Variants in TYW1 observed in about 807,000 individuals in gnomAD.
TYW1 encodes S-adenosyl-L-methionine-dependent tRNA 4-demethylwyosine synthase TYW1.
A neutral mutation model predicts 96.2 loss-of-function variants in TYW1; 46 were observed. The ratio of observed to expected loss-of-function variants is 0.48; its 90% confidence interval spans 0.38 to 0.61. The LOEUF is 0.61. Ranked by LOEUF, TYW1 falls within the 20% of genes least tolerant of loss-of-function variation. The probability of loss-of-function intolerance (pLI) is 0.00; values close to 1 mark genes in which losing one functional copy is unlikely to be tolerated. For synonymous variants in TYW1, 274 were observed against 323.0 expected, an observed-to-expected ratio of 0.85 and a Z score of 1.63; for missense variants, 684 against 909.6, an observed-to-expected ratio of 0.75 and a Z score of 3.19.
At chr7:67,132,036 T>G (rs1798091733) in intron 13 of TYW1, among the ~76,000 whole-genome samples, 1 of 152,118 alleles carries the variant, frequency 6.6e-6, no homozygotes, top group Non-Finnish European at 1.5e-5. Flanking sequence ...GACTCAAATG[T>G]TAATCTCCTT....
intron 13 of TYW1, among the ~76,000 whole-genome samples, chr7:67,142,801 A>G (rs1392824636): frequency 6.6e-6 from 1 of 152,244 alleles, no homozygotes; most frequent in South Asian, 2.1e-4. Context: ...CTGTAATCCC[A>G]ACATTTTTGG....
At chr7:67,094,050 C>T (rs1202224303) in intron 11 of TYW1, among the ~76,000 whole-genome samples, 1 of 152,112 alleles carries the variant, frequency 6.6e-6, no homozygotes, top group Admixed American at 6.5e-5. Context: ...TCTTTAGGTC[C>T]GTGTGTACCC....
chr7:67,129,054 T>C (rs1033484417), intron 13 of TYW1, among the ~76,000 whole-genome samples: 1 of 152,166 alleles, frequency 6.6e-6, no homozygotes, highest in African/African-American at 2.4e-5. Flanking sequence ...TTCTCAGTTT[T>C]TTCTTCCCCC....
intron 2 of TYW1, 119 bp downstream of exon 2, chr7:66,998,314 A>C: frequency 7.7e-7 from 1 of 1,302,142 alleles, no homozygotes; most frequent in East Asian, 2.7e-5. Context: ...TTTTAATGAA[A>C]TGCCTAAAAT....
At chr7:67,180,504 A>G (rs1416456925) in intron 13 of TYW1, among the ~76,000 whole-genome samples, 1 of 148,922 alleles carries the variant, frequency 6.7e-6, no homozygotes, top group Non-Finnish European at 1.5e-5. Flanking sequence ...TATTATTTAC[A>G]ATTAATTATT....
intron 13 of TYW1, among the ~76,000 whole-genome samples, chr7:67,176,713 T>G (rs1799680758): frequency 6.6e-6 from 1 of 152,206 alleles, no homozygotes; most frequent in Non-Finnish European, 1.5e-5. Context: ...TGTACATGGA[T>G]ATGCAAAGGG....
rs1584520450 is a variant in TYW1 at position 67,067,553 on chromosome 7, G to A, written c.1274+150G>A. 5.4e-6 allele frequency: 5 copies of A among 926,168 alleles called. No individual in the cohort carries two copies. The South Asian group carries it at 8.7e-5, about 16-fold the overall frequency. The allele number at this position is 926,168 out of a possible 1,614,324, so 57.4% of individuals were successfully genotyped here. On this transcript the variant is annotated intron_variant, in intron 10 of 15. Coordinates refer to ENST00000359626, the MANE Select transcript of TYW1 (RefSeq NM_018264.4). ...AATGTTAGTGTATAAAAATTTTGTA[G>A]ACAAATATTTTTGTTTCTCTTGGAC...
chr7:67,148,343 T>TACAAAA, intron 13 of TYW1, among the ~76,000 whole-genome samples: 1 of 150,850 alleles, frequency 6.6e-6, no homozygotes, highest in African/African-American at 2.4e-5. Flanking sequence ...CAGAGTGTCG[T>TACAAAA]AAGATTAAAA....
At chr7:67,167,172 T>C (rs1799362000) in intron 13 of TYW1, among the ~76,000 whole-genome samples, 1 of 152,128 alleles carries the variant, frequency 6.6e-6, no homozygotes, top group Non-Finnish European at 1.5e-5. Context: ...CATTTTATCC[T>C]GTTTAAGAAA....
intron 6 of TYW1, among the ~76,000 whole-genome samples, chr7:67,023,203 T>A (rs1794336211): frequency 6.6e-6 from 1 of 152,082 alleles, no homozygotes; most frequent in Non-Finnish European, 1.5e-5. Flanking sequence ...TTCAAGCAAT[T>A]CTCCTGTCTC....
chr7:67,016,032 T>G (rs767783614), intron 5 of TYW1, among the ~76,000 whole-genome samples: 25 of 151,944 alleles, frequency 1.6e-4, no homozygotes, highest in Non-Finnish European at 2.8e-4. Flanking sequence ...CTTTACATAA[T>G]AAAACATTAA....
At chr7:67,149,722 A>T (rs373817569) in intron 13 of TYW1, among the ~76,000 whole-genome samples, 19 of 140,234 alleles carry the variant, frequency 1.4e-4, no homozygotes, top group African/African-American at 5.0e-4. Context: ...AGGAAAAAAA[A>T]TATCTATCTA....
chr7:67,204,912 T>C (rs1414285873), intron 15 of TYW1, among the ~76,000 whole-genome samples: 1 of 152,180 alleles, frequency 6.6e-6, no homozygotes. Context: ...ATGTCCGTTT[T>C]TAATTGCCCA....
At chr7:67,187,681 A>G (rs1370178171) in intron 14 of TYW1, among the ~76,000 whole-genome samples, 3 of 152,224 alleles carry the variant, frequency 2.0e-5, no homozygotes, top group African/African-American at 7.2e-5. Flanking sequence ...CATTTTTTAA[A>G]TTTTAATTTG....
rs533684579 is a variant in TYW1, at chr7:67,217,608, G to A, written c.1978-20700G>A. On this transcript the variant is annotated intron_variant, in intron 15 of 15. Transcript: ENST00000359626. ...GGCTCTCTATTCCATTGTTCTACAT[G>A]TCTGTCTTTATGCCAGTATCACACT... Among the ~76,000 whole-genome samples the A allele has an allele frequency of 1.4e-3, 210 of 151,988 alleles. 2 individuals carry two copies. Among genetic ancestry groups the A allele is most frequent in the African/African-American group, 4.8e-3 (200 of 41,446 alleles).
intron 13 of TYW1, among the ~76,000 whole-genome samples, chr7:67,170,959 C>T (rs1370297787): frequency 4.2e-5 from 6 of 142,110 alleles, no homozygotes; most frequent in Non-Finnish European, 6.1e-5. Context: ...GAAGTGTTTC[C>T]TCTGCTATTT....
chr7:67,167,482 A>G (rs1253570551), intron 13 of TYW1, among the ~76,000 whole-genome samples: 1 of 125,132 alleles, frequency 8.0e-6, no homozygotes, highest in South Asian at 2.7e-4. Context: ...AAAAAAAAAA[A>G]AAAAAAAAAA....
At chr7:67,041,320 TTTTGAGACAG>T (rs1469770098) in intron 7 of TYW1, among the ~76,000 whole-genome samples, 1 of 152,150 alleles carries the variant, frequency 6.6e-6, no homozygotes, top group African/African-American at 2.4e-5. Context: ...CTTTTCTTTT[TTTTGAGACAG>T]TCTTGCTGTG....
At chr7:67,058,901 C>T (rs551451647) in intron 9 of TYW1, among the ~76,000 whole-genome samples, 37 of 152,124 alleles carry the variant, frequency 2.4e-4, no homozygotes, top group African/African-American at 8.7e-4. Context: ...GTTGTTTTGG[C>T]ACCATTTGTT....
Sources: gnomAD v4.1 joint callset for allele counts (sites outside exome capture counted in the v4.1 genomes callset) on GRCh38, gnomAD v4.1.1 for gene constraint, MANE v1.5 for transcripts, NCBI Gene and HGNC (gene_info 2026-07-23, HGNC 2026-07-21) for gene names.